The following AGAP1 variants were observed in gnomAD, a reference collection of about 807,000 sequenced individuals.
AGAP1 encodes the protein ArfGAP with GTPase domain, ankyrin repeat and PH domain 1.
Under a neutral mutation model 105.3 loss-of-function variants are expected in AGAP1, and 29 were observed. That is an observed-to-expected ratio of 0.28 (90% confidence interval 0.21 to 0.38). The LOEUF is 0.38. Among genes scored for constraint, AGAP1 ranks in the 10% least tolerant of loss-of-function variants. AGAP1 has a pLI of 1.00. For missense variants in AGAP1, 998 were observed against 1,165.1 expected, an observed-to-expected ratio of 0.86 and a Z score of 2.09; for synonymous variants, 509 against 485.9, an observed-to-expected ratio of 1.05 and a Z score of -0.63.
chr2:236,081,408 TGGAC>T (rs925138537), intron 16 of AGAP1, among the ~76,000 whole-genome samples: 4 of 152,224 alleles, frequency 2.6e-5, no homozygotes, highest in Non-Finnish European at 5.9e-5. Flanking sequence ...GCGCTGCATT[TGGAC>T]GGACACTTTG....
intron 1 of AGAP1, among the ~76,000 whole-genome samples, chr2:235,630,203 C>T (rs1316984397): frequency 2.6e-5 from 4 of 152,066 alleles, no homozygotes; most frequent in Non-Finnish European, 4.4e-5. Context: ...TGGAATTCCT[C>T]CTAAACGTCT....
chr2:235,854,652 C>CT (rs1276491182), intron 9 of AGAP1, among the ~76,000 whole-genome samples: 6 of 152,196 alleles, frequency 3.9e-5, no homozygotes, highest in African/African-American at 1.4e-4. Context: ...CAGTGGTGGA[C>CT]TTGGGGATGT....
intron 1 of AGAP1, among the ~76,000 whole-genome samples, chr2:235,688,375 C>T (rs1949569717): frequency 6.6e-6 from 1 of 152,166 alleles, no homozygotes; most frequent in South Asian, 2.1e-4. Context: ...TCCACTTTTG[C>T]TTTCCCAACA....
chr2:235,707,658 G>T (rs192553295), intron 1 of AGAP1, among the ~76,000 whole-genome samples: 1 of 72,480 alleles, frequency 1.4e-5, no homozygotes, highest in African/African-American at 4.0e-5. Flanking sequence ...GATGGGTTGT[G>T]CTCCCCCGGC....
intron 10 of AGAP1, among the ~76,000 whole-genome samples, chr2:235,896,573 A>C (rs1053249365): frequency 1.3e-5 from 2 of 152,198 alleles, no homozygotes; most frequent in African/African-American, 4.8e-5. Flanking sequence ...CATAACATGC[A>C]TGGTGGTCTG....
chr2:235,541,019 A>T (rs1943416760), intron 1 of AGAP1, among the ~76,000 whole-genome samples: 1 of 152,190 alleles, frequency 6.6e-6, no homozygotes, highest in South Asian at 2.1e-4. Context: ...TTATAGTTTT[A>T]AAAAAGGGAG....
Position 235,556,039 on chromosome 2 carries a change from G to A in AGAP1, c.163+61190G>A, listed in dbSNP as rs578052859. On this transcript the variant is annotated intron_variant, in intron 1 of 17. Coordinates refer to ENST00000304032, the MANE Select transcript of AGAP1 (RefSeq NM_001037131.3). The surrounding 1 kb of genome is among the most constrained non-coding windows in gnomAD (Gnocchi z 5.3). ...TGTGGGGCACGTGGGACATGTGAGG[G>A]AGAAACAGCATCCTGCAGGAGAGCA... is the stretch of plus-strand genomic sequence containing the variant. Among the ~76,000 whole-genome samples the A allele has an allele frequency of 1.5e-4, 23 of 152,342 alleles. No individual in the cohort carries two copies. The highest frequency in any genetic ancestry group is 2.6e-4 in the Admixed American group (4 of 15,300).
intron 8 of AGAP1, 133 bp from the exon 9 acceptor site, chr2:235,807,102 TCGGA>T: frequency 1.2e-5 from 9 of 748,132 alleles, no homozygotes; most frequent in Non-Finnish European, 1.8e-5. Context: ...TGTCTGCTCG[TCGGA>T]CGTGTCTGTG....
At chr2:235,684,127 C>CCG (rs1949249830) in intron 1 of AGAP1, among the ~76,000 whole-genome samples, 1 of 152,114 alleles carries the variant, frequency 6.6e-6, no homozygotes, top group Non-Finnish European at 1.5e-5. Context: ...CTGCAAGCTC[C>CCG]GCTTCCCGGG....
At chr2:235,807,502 T>TC (rs1166589229) in intron 9 of AGAP1, among the ~76,000 whole-genome samples, 171 bp downstream of exon 9, 1 of 152,228 alleles carries the variant, frequency 6.6e-6, no homozygotes, top group Non-Finnish European at 1.5e-5. Flanking sequence ...TCAAATGGGA[T>TC]CATTAGAATG....
chr2:235,619,048 G>A lies in AGAP1; in HGVS notation c.164-90131G>A, dbSNP rs540464611. Among the ~76,000 whole-genome samples the A allele has an allele frequency of 1.4e-4, 22 of 152,262 alleles. No homozygotes were observed. The South Asian group carries it at 3.3e-3, about 23-fold the overall frequency. ...CATGAGCCAAGGAATGGGGGAGAGC[G>A]CTAGGAGCCGGAAAAGGCAAGGAAA... is the stretch of plus-strand genomic sequence containing the variant. On this transcript the variant is annotated intron_variant, in intron 1 of 17. Transcript: ENST00000304032.
At chr2:235,643,600 C>T (rs1378833973) in intron 1 of AGAP1, among the ~76,000 whole-genome samples, 1 of 151,358 alleles carries the variant, frequency 6.6e-6, no homozygotes, top group Non-Finnish European at 1.5e-5. Context: ...AGGGATAGAT[C>T]TAACTGTTTA....
chr2:235,884,279 T>C (rs183463609), intron 10 of AGAP1, among the ~76,000 whole-genome samples: 1 of 152,274 alleles, frequency 6.6e-6, no homozygotes, highest in Admixed American at 6.5e-5. Flanking sequence ...GAGTCCCTTA[T>C]ATTAAATGGC....
At chr2:235,572,973 TTTTTTCTTCTTCTTCTTC>T (rs1944580283) in intron 1 of AGAP1, among the ~76,000 whole-genome samples, 3 of 136,946 alleles carry the variant, frequency 2.2e-5, no homozygotes, top group Admixed American at 1.4e-4. Context: ...TTGCTCCATC[TTTTTTCTTCTTCTTCTTC>T]TTCTTCTTCT....
intron 1 of AGAP1, among the ~76,000 whole-genome samples, chr2:235,613,676 A>T (rs1388774669): frequency 1.3e-5 from 2 of 152,270 alleles, no homozygotes; most frequent in African/African-American, 4.8e-5. Context: ...TAAATCACAG[A>T]TAACTAGAAC....
chr2:235,749,234 T>C (rs1483546923), intron 5 of AGAP1, among the ~76,000 whole-genome samples: 1 of 151,174 alleles, frequency 6.6e-6, no homozygotes, highest in East Asian at 2.0e-4. Context: ...AAAAAAGCTG[T>C]CTGTGAAAAG....
At chr2:235,588,969 C>A (rs894851023) in intron 1 of AGAP1, among the ~76,000 whole-genome samples, 9 of 152,034 alleles carry the variant, frequency 5.9e-5, no homozygotes, top group African/African-American at 1.9e-4. Flanking sequence ...TCCCACTGTT[C>A]GTTGTGCTCG....
intron 1 of AGAP1, among the ~76,000 whole-genome samples, chr2:235,636,484 C>T (rs1484501080): frequency 2.6e-5 from 4 of 151,446 alleles, no homozygotes; most frequent in African/African-American, 9.8e-5. Context: ...GTCTCGAACC[C>T]TCAGTCACTG....
At chr2:235,653,336 C>T (rs1027550557) in intron 1 of AGAP1, among the ~76,000 whole-genome samples, 15 of 151,464 alleles carry the variant, frequency 9.9e-5, no homozygotes, top group Non-Finnish European at 1.8e-4. Context: ...TGGTGGCGGG[C>T]ACCTGTGGTC....
Sources: gnomAD v4.1 joint callset for allele counts (sites outside exome capture counted in the v4.1 genomes callset) on GRCh38, gnomAD v4.1.1 for gene constraint, Gnocchi (gnomAD v3.1) non-coding constraint, MANE v1.5 for transcripts, NCBI Gene and HGNC (gene_info 2026-07-23, HGNC 2026-07-21) for gene names.